PRRC1: variants seen among roughly 807,000 people sequenced by gnomAD.
The protein encoded by PRRC1 is protein PRRC1.
Under a neutral mutation model 40.7 loss-of-function variants are expected in PRRC1, and 39 were observed. The ratio of observed to expected loss-of-function variants is 0.96; its 90% CI spans 0.74 to 1.25. The LOEUF is 1.25. PRRC1 is among the 50% of genes most tolerant of loss of function. The probability of loss-of-function intolerance (pLI) is 0.00; values close to 1 mark genes in which losing one functional copy is unlikely to be tolerated. For synonymous variants in PRRC1, 175 were observed against 193.3 expected (o/e 0.91, Z 0.79); for missense variants, 573 against 548.3 (o/e 1.05, Z -0.45).
Position 127,553,449 on chromosome 5 carries a change from A to C in PRRC1, c.*1533A>C. 1 of 1,106,058 alleles carries C rather than the reference A, an allele frequency of 9.0e-7. No individual in the cohort carries two copies. The highest frequency in any genetic ancestry group is 1.1e-6 in the Non-Finnish European group (1 of 904,948). 68.5% of individuals were successfully genotyped at this position (1,106,058 alleles called of 1,614,324 possible). The stretch of plus-strand genomic sequence containing the variant: ...GAGAGGTTATAGGTTGCCTTGGTGT[A>C]CTTTTGTCCAGGAGTAACAGGGACA... On this transcript the variant is annotated 3_prime_UTR_variant, in exon 9 of 9. Transcript: ENST00000296666.
At chr5:127,523,169 T>C (rs536926839) in intron 1 of PRRC1, among the ~76,000 whole-genome samples, 144 of 152,310 alleles carry the variant, frequency 9.5e-4, no homozygotes, top group Non-Finnish European at 1.6e-3. Context: ...AGTAATTTAC[T>C]ATTTGAAATG....
intron 5 of PRRC1, among the ~76,000 whole-genome samples, chr5:127,531,763 C>T (rs375806799): frequency 6.6e-6 from 1 of 151,552 alleles, no homozygotes; most frequent in East Asian, 2.0e-4. Flanking sequence ...GCTGGGACTA[C>T]AGCCGTGTGC....
intron 1 of PRRC1, 30 bp from the exon 2 acceptor site, chr5:127,523,430 A>T: frequency 8.9e-7 from 1 of 1,121,982 alleles, no homozygotes; most frequent in South Asian, 1.5e-5. Context: ...GTTACTGTGT[A>T]ATATTTGTTA....
rs1264289295 is a variant in PRRC1, at chr5:127,553,922, A to T, written c.*2006A>T. The T allele has an allele frequency of 1.3e-6, 2 of 1,534,760 alleles. No homozygotes were observed. Among genetic ancestry groups the T allele is most frequent in the Admixed American group, 3.9e-5 (2 of 50,856 alleles). ...GGAACCGTGTGAGTGGGTGAGGAAG[A>T]TGAGAGATGGTCAGATGGAAGAGAG... On this transcript the variant is annotated 3_prime_UTR_variant, in exon 9 of 9. Coordinates refer to ENST00000296666, the MANE Select transcript of PRRC1 (RefSeq NM_130809.5).
intron 3 of PRRC1, among the ~76,000 whole-genome samples, chr5:127,525,691 C>G (rs895400228): frequency 8.5e-5 from 13 of 152,102 alleles, no homozygotes; most frequent in Admixed American, 8.5e-4. Context: ...CCAGAGTTAC[C>G]TATTTCACAT....
At chr5:127,535,780 A>G (rs1767885088) in intron 6 of PRRC1, among the ~76,000 whole-genome samples, 1 of 152,192 alleles carries the variant, frequency 6.6e-6, no homozygotes, top group African/African-American at 2.4e-5. Context: ...GGTAATTGAC[A>G]TAGCATATTT....
Position 127,551,776 on chromosome 5 carries a change from C to A in PRRC1, c.1198C>A (p.Leu400Met). The change falls in exon 9 of 9, where the codon CTG becomes ATG. Residue 400 changes from leucine (L) to methionine (M), a missense_variant. Leu to Met is a conservative substitution (Grantham distance 15). Transcript: ENST00000296666. ...CCTTTTGGTGACAGTGGGTGAAGTCCTGGAAAAGAGTTTACTGAATGTCAG... is the reference window on the plus strand; with the variant it reads ...CCTTTTGGTGACAGTGGGTGAAGTCATGGAAAAGAGTTTACTGAATGTCAG... Reference protein sequence around the residue: ...SGLLVTVGEVLEKSLLNVSRT... With the variant: ...SGLLVTVGEVMEKSLLNVSRT... 1 of 1,614,060 alleles carries A rather than the reference C, an allele frequency of 6.2e-7. No homozygotes were observed. Among genetic ancestry groups the A allele is most frequent in the South Asian group, 1.1e-5 (1 of 91,072 alleles).
At chr5:127,526,586 T>A (rs749692726) in intron 3 of PRRC1, 32 bp from the exon 4 acceptor site, 3 of 1,566,942 alleles carry the variant, frequency 1.9e-6, no homozygotes, top group Non-Finnish European at 2.6e-6. Flanking sequence ...ATGGAATAAA[T>A]TATACATATG....
At chr5:127,528,031 A>C (rs1174262262) in intron 4 of PRRC1, among the ~76,000 whole-genome samples, 1 of 152,140 alleles carries the variant, frequency 6.6e-6, no homozygotes, top group Non-Finnish European at 1.5e-5. Context: ...TTCCTTTGCT[A>C]CTGAATTTGA....
At position 127,523,509 on chromosome 5, in the gene PRRC1, A is replaced by G. The variant is rs1273817472; in HGVS notation, c.30A>G (p.Thr10=). ...TGGAAGAGAGTGGAATAGAGACAAC[A>G]CCACCTGGGACTCCTCCACCAAATC... is the stretch of plus-strand genomic sequence containing the variant. MMEESGIET[T]PPGTPPPNPA... The change falls in exon 2 of 9, where the codon ACA becomes ACG. Residue 10 remains threonine (T), a synonymous_variant. Coordinates refer to ENST00000296666, the MANE Select transcript of PRRC1 (RefSeq NM_130809.5). The G allele has an allele frequency of 6.2e-7, 1 of 1,612,018 alleles. No homozygotes were observed. Among genetic ancestry groups the G allele is most frequent in the Admixed American group, 1.7e-5 (1 of 59,394 alleles).
chr5:127,526,270 G>A (rs1409647716), intron 3 of PRRC1, among the ~76,000 whole-genome samples: 2 of 152,168 alleles, frequency 1.3e-5, no homozygotes. Context: ...TAATAATTGT[G>A]TGCTTTTTTG....
chr5:127,538,850 T>G (rs1303407017), intron 6 of PRRC1, among the ~76,000 whole-genome samples, 190 bp from the exon 7 acceptor site: 1 of 152,124 alleles, frequency 6.6e-6, no homozygotes, highest in East Asian at 1.9e-4. Context: ...TACCCCAAAC[T>G]GTTGATACTA....
chr5:127,518,564 T>G (rs1055646415), intron 1 of PRRC1, among the ~76,000 whole-genome samples: 2 of 152,186 alleles, frequency 1.3e-5, no homozygotes, highest in African/African-American at 2.4e-5. Context: ...CAGTGAAAAT[T>G]TATAAAATTT....
At chr5:127,527,277 G>A (rs1171575017) in intron 4 of PRRC1, among the ~76,000 whole-genome samples, 1 of 152,002 alleles carries the variant, frequency 6.6e-6, no homozygotes, top group Admixed American at 6.5e-5. Context: ...ATTCTGGAAT[G>A]GCTAAATTGA....
Position 127,553,428 on chromosome 5 carries a change from G to C in PRRC1, c.*1512G>C. 1 of 1,093,472 alleles carries C rather than the reference G, an allele frequency of 9.1e-7. No individual in the cohort carries two copies. The highest frequency in any genetic ancestry group is 1.7e-5 in the African/African-American group (1 of 58,618). 67.7% of individuals were successfully genotyped at this position (1,093,472 alleles called of 1,614,324 possible). A position where few individuals can be genotyped will look rare whatever the true frequency, so the allele number is the denominator to read the frequency against. ...AAAGTCATGAGAGACAGCACAGAGA[G>C]GTTATAGGTTGCCTTGGTGTACTTT... is the stretch of plus-strand genomic sequence containing the variant. On this transcript the variant is annotated 3_prime_UTR_variant, in exon 9 of 9. Coordinates refer to ENST00000296666, the MANE Select transcript of PRRC1 (RefSeq NM_130809.5).
In PRRC1 at chr5:127,526,637, T is replaced by A; in HGVS notation, c.513T>A (p.Ile171=). 6.2e-7 allele frequency: 1 copy of A among 1,612,168 alleles called. No individual in the cohort carries two copies. The highest frequency in any genetic ancestry group is 8.5e-7 in the Non-Finnish European group (1 of 1,179,170). ...GATTAGGTCTTTTGCCAACTCCTAT[T>A]ACTCAGCAAGCCAGTTTGACATCTC... The part of the protein sequence containing the change: ...PSGTGLLPTP[I]TQQASLTSLA... The change falls in exon 4 of 9, where the codon ATT becomes ATA. Residue 171 remains isoleucine, a synonymous_variant. Coordinates refer to ENST00000296666, the MANE Select transcript of PRRC1 (RefSeq NM_130809.5).
At chr5:127,539,018 A>G (rs1410589301) in intron 6 of PRRC1, 22 bp from the exon 7 acceptor site, 1 of 1,577,076 alleles carries the variant, frequency 6.3e-7, no homozygotes, top group African/African-American at 1.4e-5. Flanking sequence ...AATGGTCTCT[A>G]ACCTCTGCCA....
chr5:127,526,453 A>G (rs769465702), intron 3 of PRRC1, among the ~76,000 whole-genome samples, 165 bp from the exon 4 acceptor site: 1 of 152,204 alleles, frequency 6.6e-6, no homozygotes, highest in South Asian at 2.1e-4. Context: ...TTCTTTTGAA[A>G]TTCTGTTTAA....
rs538854254 is a variant in PRRC1 at position 127,552,727 on chromosome 5, C to T, written c.*811C>T. On this transcript the variant is annotated 3_prime_UTR_variant, in exon 9 of 9. Transcript: ENST00000296666. ...TACTTCCAAGAATAAGCTCTGACAA[C>T]AGCCATTGTTTCTGCTTCCACTCAT... 8 of 983,622 alleles carry T rather than the reference C, an allele frequency of 8.1e-6. No homozygotes were observed. The East Asian group carries it at 7.9e-4, about 98-fold the overall frequency. The allele number at this position is 983,622 out of a possible 1,614,324, so 60.9% of individuals were successfully genotyped here. A position where few individuals can be genotyped will look rare whatever the true frequency, so the allele number is the denominator to read the frequency against.
Sources: allele counts gnomAD v4.1 joint callset (sites outside exome capture counted in the v4.1 genomes callset), GRCh38; gene constraint gnomAD v4.1.1; transcripts MANE v1.5; gene names NCBI Gene and HGNC (gene_info 2026-07-23, HGNC 2026-07-21).